MRPS28: variants seen among roughly 807,000 people sequenced by gnomAD.
MRPS28 encodes the protein mitochondrial ribosomal protein S28.
MRPS28 carries 7 observed loss-of-function variants against 10.8 expected under a neutral mutation model. The observed-to-expected ratio is 0.65, with a 90% CI of 0.37 to 1.22. The LOEUF is 1.22. Among genes scored for constraint, MRPS28 ranks in the 50% most tolerant of loss-of-function variants. MRPS28 has a pLI of 0.02. For missense variants in MRPS28, 265 were observed against 232.9 expected, an observed-to-expected ratio of 1.14 and a Z score of -0.90; for synonymous variants, 121 against 93.3, an observed-to-expected ratio of 1.30 and a Z score of -1.71.
chr8:79,993,421 AC>A (rs1171888433), intron 2 of MRPS28, among the ~76,000 whole-genome samples: 1 of 152,168 alleles, frequency 6.6e-6, no homozygotes, highest in Non-Finnish European at 1.5e-5. Flanking sequence ...GTCAATTAAA[AC>A]AGAATCCCAT....
Position 80,012,562 on chromosome 8 carries a change from C to T in MRPS28, c.214-9382G>A, listed in dbSNP as rs116801076. On this transcript the variant is annotated intron_variant, in intron 1 of 2. Coordinates refer to ENST00000276585, the MANE Select transcript of MRPS28 (RefSeq NM_014018.3). ...TGGATATGTATCATAGAGCTCAGTG[C>T]CTAACCCTGGAAAATGTTACAATAA... is the stretch of plus-strand genomic sequence containing the variant. Among the ~76,000 whole-genome samples the T allele has an allele frequency of 6.0e-3, 910 of 152,256 alleles. 7 individuals are homozygous for T. Among genetic ancestry groups the T allele is most frequent in the African/African-American group, 0.021 (870 of 41,554 alleles).
At chr8:79,930,433 G>A (rs765235088) in intron 2 of MRPS28, among the ~76,000 whole-genome samples, 2 of 152,146 alleles carry the variant, frequency 1.3e-5, no homozygotes, top group African/African-American at 2.4e-5. Context: ...CATTCTATAC[G>A]TTTGTAGAAG....
chr8:80,011,141 A>AT (rs1491477017), intron 1 of MRPS28, among the ~76,000 whole-genome samples: 10 of 148,282 alleles, frequency 6.7e-5, no homozygotes, highest in Middle Eastern at 3.5e-3. Context: ...TTTTATTTTT[A>AT]TTTTTTTTTG....
At chr8:79,932,092 C>G (rs1457468785) in intron 2 of MRPS28, among the ~76,000 whole-genome samples, 1 of 152,162 alleles carries the variant, frequency 6.6e-6, no homozygotes, top group African/African-American at 2.4e-5. Flanking sequence ...CATTCATTTA[C>G]TCAAAAATGT....
intron 1 of MRPS28, among the ~76,000 whole-genome samples, chr8:80,009,495 A>T (rs1243333510): frequency 6.6e-6 from 1 of 152,148 alleles, no homozygotes; most frequent in Non-Finnish European, 1.5e-5. Context: ...GCATGCCTAT[A>T]ATCCCAGCTA....
chr8:79,983,542 T>C (rs1317233321), intron 2 of MRPS28, among the ~76,000 whole-genome samples: 3 of 152,088 alleles, frequency 2.0e-5, no homozygotes, highest in Non-Finnish European at 4.4e-5. Context: ...TTTAGACGAA[T>C]GTATAACTAG....
In MRPS28 at chr8:79,974,959, T is replaced by C. The variant is rs147051493; in HGVS notation, c.395+28040A>G. ...TTATTACGGAGGGCAGTAGGAATCC[T>C]GACTTAATTCTAAAATAAATTTCAA... On this transcript the variant is annotated intron_variant, in intron 2 of 2. Coordinates refer to ENST00000276585, the MANE Select transcript of MRPS28 (RefSeq NM_014018.3). Among the ~76,000 whole-genome samples the C allele has an allele frequency of 2.3e-3, 344 of 152,306 alleles. 3 individuals carry two copies. Among genetic ancestry groups the C allele is most frequent in the Middle Eastern group, 3.4e-3 (1 of 294 alleles).
At chr8:79,968,920 T>A (rs1807565488) in intron 2 of MRPS28, among the ~76,000 whole-genome samples, 1 of 152,170 alleles carries the variant, frequency 6.6e-6, no homozygotes. Context: ...GAGTAACATG[T>A]GTACTTGGAC....
intron 2 of MRPS28, among the ~76,000 whole-genome samples, chr8:79,927,598 C>T (rs1806326096): frequency 6.6e-6 from 1 of 152,092 alleles, no homozygotes; most frequent in Non-Finnish European, 1.5e-5. Flanking sequence ...TGTTCAATAC[C>T]TATATGAAGT....
chr8:80,020,507 G>A (rs1238551476), intron 1 of MRPS28, among the ~76,000 whole-genome samples: 2 of 152,184 alleles, frequency 1.3e-5, no homozygotes, highest in Non-Finnish European at 2.9e-5. Context: ...GAAAAGCTGT[G>A]AGCCAGATGC....
At chr8:79,969,140 A>G (rs751367983) in intron 2 of MRPS28, among the ~76,000 whole-genome samples, 2 of 152,356 alleles carry the variant, frequency 1.3e-5, no homozygotes, top group Non-Finnish European at 2.9e-5. Flanking sequence ...AAGCCAGTCA[A>G]TTTAAGAGTT....
chr8:79,934,951 T>C (rs929741716), intron 2 of MRPS28, among the ~76,000 whole-genome samples: 1 of 152,212 alleles, frequency 6.6e-6, no homozygotes, highest in Non-Finnish European at 1.5e-5. Flanking sequence ...ATTAAATAAA[T>C]TGGTTGTTAA....
intron 2 of MRPS28, among the ~76,000 whole-genome samples, chr8:79,933,045 G>C (rs1008908659): frequency 6.6e-6 from 1 of 152,192 alleles, no homozygotes; most frequent in African/African-American, 2.4e-5. Context: ...GATGTGCAGT[G>C]GGATCTGGGG....
At chr8:79,994,303 CCTGA>C (rs1241183722) in intron 2 of MRPS28, among the ~76,000 whole-genome samples, 2 of 152,074 alleles carry the variant, frequency 1.3e-5, no homozygotes, top group African/African-American at 4.8e-5. Flanking sequence ...AGAGAATGTT[CCTGA>C]CTAACACTAA....
chr8:79,998,604 A>C (rs1377572254), intron 2 of MRPS28, among the ~76,000 whole-genome samples: 1 of 152,168 alleles, frequency 6.6e-6, no homozygotes, highest in Non-Finnish European at 1.5e-5. Context: ...ACACACATTA[A>C]ACAAAATTGT....
At chr8:79,939,918 G>A (rs546236265) in intron 2 of MRPS28, among the ~76,000 whole-genome samples, 1 of 151,440 alleles carries the variant, frequency 6.6e-6, no homozygotes, top group African/African-American at 2.4e-5. Context: ...TGCAGTGAGC[G>A]GAGATCACGC....
At chr8:80,005,107 C>T (rs537682846) in intron 1 of MRPS28, among the ~76,000 whole-genome samples, 1 of 152,186 alleles carries the variant, frequency 6.6e-6, no homozygotes, top group South Asian at 2.1e-4. Flanking sequence ...CAAGGCAGGC[C>T]AACATTCAAA....
At chr8:79,980,504 T>C (rs1466867638) in intron 2 of MRPS28, among the ~76,000 whole-genome samples, 1 of 152,242 alleles carries the variant, frequency 6.6e-6, no homozygotes, top group Non-Finnish European at 1.5e-5. Flanking sequence ...TTGACATTGA[T>C]TTTGTTTGAC....
At chr8:80,026,654 G>A (rs1809499811) in intron 1 of MRPS28, among the ~76,000 whole-genome samples, 1 of 152,172 alleles carries the variant, frequency 6.6e-6, no homozygotes, top group Admixed American at 6.5e-5. Flanking sequence ...TGGGAAAAAA[G>A]TTAGTAAAAA....
Sources: gnomAD v4.1 joint callset for allele counts (sites outside exome capture counted in the v4.1 genomes callset) on GRCh38, gnomAD v4.1.1 for gene constraint, MANE v1.5 for transcripts, NCBI Gene and HGNC (gene_info 2026-07-23, HGNC 2026-07-21) for gene names.